Variants in NOX4 observed in about 807,000 individuals in gnomAD.
The protein encoded by NOX4 is NADPH oxidase 4, also known as kidney oxidase-1.
Under a neutral mutation model 87.6 loss-of-function variants are expected in NOX4, and 69 were observed. The observed-to-expected ratio is 0.79, with a 90% confidence interval of 0.65 to 0.96. The LOEUF (loss-of-function observed/expected upper bound fraction) is 0.96. Ranked by LOEUF, NOX4 falls within the 40% of genes least tolerant of loss-of-function variation. The pLI, the probability that NOX4 is intolerant of heterozygous loss-of-function variation, is 0.00. For synonymous variants in NOX4, 275 were observed against 238.2 expected (o/e 1.15, Z -1.42); for missense variants, 680 against 681.5 (o/e 1.00, Z 0.02).
intron 4 of NOX4, among the ~76,000 whole-genome samples, chr11:89,446,649 T>C (rs1309032130): frequency 2.6e-5 from 4 of 152,122 alleles, no homozygotes; most frequent in South Asian, 4.1e-4. Flanking sequence ...TCCAACTATA[T>C]TGCATTCTAG....
chr11:89,519,967 T>G, the NOX4 span, among the ~76,000 whole-genome samples: 8 of 152,132 alleles, frequency 5.3e-5, no homozygotes, highest in African/African-American at 1.9e-4. Flanking sequence ...ATTTATATAT[T>G]GGATATAATA....
At chr11:89,489,727 C>CAAAA (rs35606793) in intron 2 of NOX4, among the ~76,000 whole-genome samples, 2 of 118,504 alleles carry the variant, frequency 1.7e-5, no homozygotes, top group South Asian at 3.0e-4. Context: ...GACTCTGTCT[C>CAAAA]AAAAAAAAAA....
At chr11:89,379,521 G>A (rs1329100443) in intron 11 of NOX4, among the ~76,000 whole-genome samples, 1 of 152,084 alleles carries the variant, frequency 6.6e-6, no homozygotes, top group Non-Finnish European at 1.5e-5. Flanking sequence ...AGAAATAACT[G>A]GTCGTGGAAG....
chr11:89,563,777 A>G, the NOX4 span, among the ~76,000 whole-genome samples: 2 of 152,220 alleles, frequency 1.3e-5, no homozygotes, highest in African/African-American at 4.8e-5. Flanking sequence ...TGTTTGCTAT[A>G]TTATTTGTCT....
At chr11:89,405,774 T>C (rs1293275735) in intron 8 of NOX4, among the ~76,000 whole-genome samples, 3 of 148,938 alleles carry the variant, frequency 2.0e-5, no homozygotes, top group Admixed American at 1.3e-4. Context: ...AAAACTTGCA[T>C]GGTAAAGATT....
At chr11:89,541,843 AAG>A in the NOX4 span, among the ~76,000 whole-genome samples, 1 of 152,192 alleles carries the variant, frequency 6.6e-6, no homozygotes, top group African/African-American at 2.4e-5. Context: ...TTATTAAGAT[AAG>A]TTCTCACTAT....
At chr11:89,364,519 A>G (rs1436870843) in intron 12 of NOX4, among the ~76,000 whole-genome samples, 1 of 152,108 alleles carries the variant, frequency 6.6e-6, no homozygotes, top group African/African-American at 2.4e-5. Context: ...AGCAATATAA[A>G]AAACAGAACT....
At chr11:89,356,310 G>A (rs1258903434) in intron 12 of NOX4, among the ~76,000 whole-genome samples, 1 of 150,844 alleles carries the variant, frequency 6.6e-6, no homozygotes, top group Non-Finnish European at 1.5e-5. Flanking sequence ...TGACGGCCAG[G>A]AAAAGACCAA....
chr11:89,495,639 C>T (rs1946940259), upstream of NOX4, among the ~76,000 whole-genome samples: 2 of 152,070 alleles, frequency 1.3e-5, no homozygotes, highest in Admixed American at 6.6e-5. Context: ...ACCTAATTAA[C>T]CTAGATCATA....
At chr11:89,372,763 C>G (rs935889053) in intron 12 of NOX4, among the ~76,000 whole-genome samples, 27 of 151,984 alleles carry the variant, frequency 1.8e-4, no homozygotes, top group African/African-American at 6.3e-4. Context: ...TATCTGCATT[C>G]TTTCCTGTAA....
chr11:89,341,647 C>T (rs1180255567), intron 14 of NOX4, among the ~76,000 whole-genome samples: 2 of 151,802 alleles, frequency 1.3e-5, no homozygotes, highest in Non-Finnish European at 2.9e-5. Flanking sequence ...TTTTACTTGC[C>T]CCATTTGAAT....
chr11:89,398,287 C>G (rs1048907790), intron 11 of NOX4, among the ~76,000 whole-genome samples: 1 of 152,052 alleles, frequency 6.6e-6, no homozygotes, highest in African/African-American at 2.4e-5. Flanking sequence ...TAAAAATTCT[C>G]AATAAACTAG....
At chr11:89,426,992 C>A (rs1004029760) in intron 7 of NOX4, among the ~76,000 whole-genome samples, 1 of 152,148 alleles carries the variant, frequency 6.6e-6, no homozygotes, top group Non-Finnish European at 1.5e-5. Flanking sequence ...AGACTGACAC[C>A]CCACAGGGCC....
chr11:89,432,744 C>G, intron 7 of NOX4, 40 bp downstream of exon 7: 6 of 1,412,242 alleles, frequency 4.2e-6, no homozygotes, highest in Non-Finnish European at 6.0e-6. Flanking sequence ...TCTAAATAAC[C>G]TGACAGATAC....
chr11:89,459,697 G>A (rs374619630), intron 2 of NOX4, among the ~76,000 whole-genome samples: 6,605 of 151,986 alleles, frequency 0.043, 432 homozygotes, highest in African/African-American at 0.15. Flanking sequence ...ATGCTCATGG[G>A]TAGGAAGAAT....
intron 11 of NOX4, among the ~76,000 whole-genome samples, chr11:89,386,035 A>G (rs1940676935): frequency 6.6e-6 from 1 of 152,156 alleles, no homozygotes; most frequent in Admixed American, 6.6e-5. Flanking sequence ...AGGAAAGGTA[A>G]AATGGACTAA....
At chr11:89,434,639 T>C (rs1943987217) in intron 6 of NOX4, among the ~76,000 whole-genome samples, 1 of 151,794 alleles carries the variant, frequency 6.6e-6, no homozygotes, top group African/African-American at 2.4e-5. Flanking sequence ...CATATATCCA[T>C]GCAAAGACTT....
chr11:89,476,842 A>G (rs1946188654), intron 2 of NOX4, among the ~76,000 whole-genome samples: 1 of 152,246 alleles, frequency 6.6e-6, no homozygotes, highest in Admixed American at 6.5e-5. Flanking sequence ...CTTCAAAAAT[A>G]TAATAACAGA....
intron 15 of NOX4, 151 bp from the exon 16 acceptor site, chr11:89,337,666 T>TA: frequency 9.4e-7 from 1 of 1,069,146 alleles, no homozygotes; most frequent in Non-Finnish European, 1.3e-6. Flanking sequence ...CACACATACA[T>TA]ACACAGAAAT....
Sources: gnomAD v4.1 joint callset for allele counts (sites outside exome capture counted in the v4.1 genomes callset) on GRCh38, gnomAD v4.1.1 for gene constraint, MANE v1.5 for transcripts, NCBI Gene and HGNC (gene_info 2026-07-23, HGNC 2026-07-21) for gene names.